Variants in OSBPL1A observed in about 807,000 individuals in gnomAD.
OSBPL1A encodes oxysterol binding protein like 1A, also known as oxysterol-binding protein-related protein 1.
In OSBPL1A, 80 loss-of-function variants were observed where a neutral mutation model predicts 137.1. That is an observed-to-expected ratio of 0.58 (90% CI 0.49 to 0.70). The LOEUF (loss-of-function observed/expected upper bound fraction) is 0.70. Ranked by LOEUF, OSBPL1A falls within the 30% of genes least tolerant of loss-of-function variation. The pLI is 0.00. For synonymous variants in OSBPL1A, 365 were observed against 389.7 expected, an observed-to-expected ratio of 0.94 and a Z score of 0.75; for missense variants, 970 against 1,129.4, an observed-to-expected ratio of 0.86 and a Z score of 2.02.
At chr18:24,276,869 C>A (rs1399302032) in intron 15 of OSBPL1A, among the ~76,000 whole-genome samples, 1 of 152,202 alleles carries the variant, frequency 6.6e-6, no homozygotes, top group African/African-American at 2.4e-5. Flanking sequence ...AAAACACCCA[C>A]ATACCACAGA....
intron 1 of OSBPL1A, among the ~76,000 whole-genome samples, chr18:24,381,060 A>G (rs1476587060): frequency 6.6e-6 from 1 of 152,160 alleles, no homozygotes; most frequent in Admixed American, 6.5e-5. Context: ...TTATTCAGTG[A>G]TACTCGTTAA....
intron 14 of OSBPL1A, among the ~76,000 whole-genome samples, chr18:24,287,285 A>G (rs2090081570): frequency 6.6e-6 from 1 of 152,256 alleles, no homozygotes; most frequent in African/African-American, 2.4e-5. Context: ...AACGGAGTCA[A>G]TGAAGTAAAT....
chr18:24,331,093 G>A (rs1351611033), intron 7 of OSBPL1A, among the ~76,000 whole-genome samples: 1 of 152,092 alleles, frequency 6.6e-6, no homozygotes, highest in African/African-American at 2.4e-5. Flanking sequence ...GGCCTGGCCT[G>A]TGAAACTATT....
intron 16 of OSBPL1A, among the ~76,000 whole-genome samples, chr18:24,226,600 C>T (rs1416009564): frequency 2.0e-5 from 3 of 152,246 alleles, no homozygotes; most frequent in Non-Finnish European, 2.9e-5. Context: ...GAAATAACAA[C>T]GTTTTAGTGC....
Position 24,174,178 on chromosome 18 carries a change from C to T in OSBPL1A, c.2094-1695G>A, listed in dbSNP as rs9961527. Among the ~76,000 whole-genome samples, 1,243 of 151,714 alleles carry T rather than the reference C, an allele frequency of 8.2e-3. 16 individuals are homozygous for T. The highest frequency in any genetic ancestry group is 0.029 in the African/African-American group (1,188 of 41,510). On this transcript the variant is annotated intron_variant, in intron 21 of 27. Coordinates refer to ENST00000319481, the MANE Select transcript of OSBPL1A (RefSeq NM_080597.4). ...CAGTTTTTGGTGATGATGAATAATG[C>T]TACTGTAAACATTTGTATACAGGTT...
chr18:24,269,851 A>AACACACACGCAC (rs2089672595), intron 15 of OSBPL1A, among the ~76,000 whole-genome samples: 1 of 139,988 alleles, frequency 7.1e-6, no homozygotes, highest in Admixed American at 7.1e-5. Flanking sequence ...TGACAAGCCT[A>AACACACACGCAC]ACACACACAC....
intron 14 of OSBPL1A, among the ~76,000 whole-genome samples, chr18:24,298,705 C>G (rs1334737245): frequency 1.3e-5 from 2 of 152,214 alleles, no homozygotes; most frequent in Non-Finnish European, 2.9e-5. Flanking sequence ...GATTGGGACC[C>G]CTTTCCTGTA....
At chr18:24,389,493 A>C (rs745524906) in intron 1 of OSBPL1A, among the ~76,000 whole-genome samples, 1 of 152,212 alleles carries the variant, frequency 6.6e-6, no homozygotes, top group African/African-American at 2.4e-5. Context: ...CACTTAATAT[A>C]GTAGATAAGT....
chr18:24,283,010 G>T (rs904998179), intron 14 of OSBPL1A, among the ~76,000 whole-genome samples: 7 of 152,032 alleles, frequency 4.6e-5, no homozygotes, highest in African/African-American at 1.7e-4. Flanking sequence ...TTGGGAGGCT[G>T]AGGCAGGAGG....
intron 5 of OSBPL1A, among the ~76,000 whole-genome samples, chr18:24,341,296 C>T (rs2091269512): frequency 1.3e-5 from 2 of 152,258 alleles, no homozygotes; most frequent in South Asian, 2.1e-4. Flanking sequence ...CGTGAGCCAC[C>T]GCACCCAGCC....
chr18:24,264,589 T>G (rs1599585371), intron 15 of OSBPL1A, among the ~76,000 whole-genome samples: 1 of 152,128 alleles, frequency 6.6e-6, no homozygotes, highest in Non-Finnish European at 1.5e-5. Flanking sequence ...AGCCAAATCT[T>G]CACAAAAAGA....
At chr18:24,210,020 T>C (rs2145965888) in intron 17 of OSBPL1A, among the ~76,000 whole-genome samples, 1 of 152,358 alleles carries the variant, frequency 6.6e-6, no homozygotes, top group South Asian at 2.1e-4. Flanking sequence ...ATAAAAATTA[T>C]ACTGCAACCA....
chr18:24,329,044 T>C (rs1360650903), intron 7 of OSBPL1A, among the ~76,000 whole-genome samples: 2 of 152,144 alleles, frequency 1.3e-5, no homozygotes, highest in Admixed American at 1.3e-4. Flanking sequence ...AGGGGATCTC[T>C]AACCAATTTT....
At chr18:24,220,844 G>A (rs1436180296) in intron 17 of OSBPL1A, among the ~76,000 whole-genome samples, 3 of 151,520 alleles carry the variant, frequency 2.0e-5, no homozygotes, top group East Asian at 1.9e-4. Flanking sequence ...ACAGAGTCTC[G>A]CTTTGTCACC....
At position 24,271,929 on chromosome 18, in the gene OSBPL1A, G is replaced by C. The variant is rs1047724619; in HGVS notation, c.1281+8913C>G. ...CCGCAGAGGTCTGCGCTGCCCCTCC[G>C]CCGCCGCTGGCTCGGCCGCAGACCC... On this transcript the variant is annotated intron_variant, in intron 15 of 27. Transcript: ENST00000319481. The surrounding 1 kb of genome is among the most constrained non-coding windows in gnomAD (Gnocchi z 4.0). 4.1e-6 allele frequency: 4 copies of C among 983,302 alleles called. No individual in the cohort carries two copies. In the African/African-American group the frequency reaches 7.0e-5, roughly 17 times the overall value. 60.9% of individuals were successfully genotyped at this position (983,302 alleles called of 1,614,324 possible). A position where few individuals can be genotyped will look rare whatever the true frequency, so the allele number is the denominator to read the frequency against.
Position 24,225,060 on chromosome 18 carries a change from T to C in OSBPL1A, c.1583A>G (p.Asn528Ser), listed in dbSNP as rs755138668. Residue 528 changes from asparagine (N) to serine (S), a missense_variant, in exon 17 of 28, where the codon AAT becomes AGT. By Grantham distance (46) the Asn-to-Ser change is conservative. Around this residue, in one of 2 missense-constraint regions of OSBPL1A, gnomAD observed 647 missense variants for 672.6 expected, o/e 0.96. Coordinates refer to ENST00000319481, the MANE Select transcript of OSBPL1A (RefSeq NM_080597.4). Reference protein sequence around the residue: ...KDCGGGDALSNGIKKHRTSLP... With the variant: ...KDCGGGDALSSGIKKHRTSLP... ...ATCCTACCTGTGTTTCTTGATGCCA[T>C]TGGAGAGAGCATCTCCGCCACCACA... 9 of 1,614,202 alleles carry C rather than the reference T, an allele frequency of 5.6e-6. No individual in the cohort carries two copies. The highest frequency in any genetic ancestry group is 3.3e-5 in the Admixed American group (2 of 60,030).
chr18:24,309,305 A>G (rs2090569332), intron 13 of OSBPL1A, among the ~76,000 whole-genome samples: 1 of 152,168 alleles, frequency 6.6e-6, no homozygotes. Flanking sequence ...GTATAAGACA[A>G]TGTTTACCAA....
intron 1 of OSBPL1A, among the ~76,000 whole-genome samples, chr18:24,383,646 C>T (rs143626224): frequency 0.014 from 2,109 of 152,154 alleles, 48 homozygotes; most frequent in African/African-American, 0.049. Context: ...CCCAGCTACT[C>T]GGGAGGCTGA....
intron 15 of OSBPL1A, among the ~76,000 whole-genome samples, chr18:24,267,307 TA>T (rs879607417): frequency 2.4e-3 from 364 of 148,750 alleles, no homozygotes; most frequent in African/African-American, 3.4e-3. Flanking sequence ...AGTTACTAGT[TA>T]AAAAAAAAAC....
Sources: gnomAD v4.1 joint callset for allele counts (sites outside exome capture counted in the v4.1 genomes callset) on GRCh38, gnomAD v4.1.1 for gene constraint, gnomAD v4.1.1 regional missense constraint, Gnocchi (gnomAD v3.1) non-coding constraint, MANE v1.5 for transcripts, NCBI Gene and HGNC (gene_info 2026-07-23, HGNC 2026-07-21) for gene names.